The following SPIDR variants were observed in gnomAD, a reference collection of about 807,000 sequenced individuals.
SPIDR encodes DNA repair-scaffolding protein.
Under a neutral mutation model 104.6 loss-of-function variants are expected in SPIDR, and 93 were observed. The observed-to-expected ratio is 0.89, with a 90% CI of 0.75 to 1.06. The LOEUF is 1.06. SPIDR is among the 50% of genes least tolerant of loss of function. SPIDR has a pLI of 0.00. For synonymous variants in SPIDR, 431 were observed against 416.9 expected (o/e 1.03, Z -0.41); for missense variants, 1,154 against 1,111.2 (o/e 1.04, Z -0.55).
At chr8:47,380,261 C>A (rs1309562108) in intron 5 of SPIDR, among the ~76,000 whole-genome samples, 2 of 152,226 alleles carry the variant, frequency 1.3e-5, no homozygotes, top group East Asian at 3.9e-4. Flanking sequence ...TCAGGACTCA[C>A]ACTCACTGAG....
intron 8 of SPIDR, among the ~76,000 whole-genome samples, chr8:47,595,345 A>T (rs2061524931): frequency 6.6e-6 from 1 of 152,238 alleles, no homozygotes; most frequent in Admixed American, 6.5e-5. Context: ...ATTAATACTT[A>T]AATGTGAGGT....
chr8:47,414,461 A>G lies in SPIDR; in HGVS notation c.877+6500A>G, dbSNP rs1450939222. ...TCTAGATATTAAGTGTAGCATGTCA[A>G]ACTAAGATTCTCCTTATTTATCTGC... On this transcript the variant is annotated intron_variant, in intron 7 of 19. Coordinates refer to ENST00000297423, the MANE Select transcript of SPIDR (RefSeq NM_001080394.4). Among the ~76,000 whole-genome samples, 3 of 152,336 alleles carry G rather than the reference A, an allele frequency of 2.0e-5. 1 individual carries two copies. The South Asian group carries it at 6.2e-4, about 32-fold the overall frequency.
At chr8:47,447,871 A>AT (rs1554703111) in intron 8 of SPIDR, among the ~76,000 whole-genome samples, 2 of 152,270 alleles carry the variant, frequency 1.3e-5, no homozygotes, top group South Asian at 2.1e-4. Context: ...TGAAGGCTGC[A>AT]TTTTTTACCA....
chr8:47,279,320 T>G (rs1446381636), intron 1 of SPIDR: 2 of 153,152 alleles, frequency 1.3e-5, no homozygotes, highest in African/African-American at 4.8e-5. Context: ...CTGCCACCCC[T>G]GTGCTGCTGA....
chr8:47,507,570 G>T lies in SPIDR; in HGVS notation c.1097+67028G>T, dbSNP rs189033078. Among the ~76,000 whole-genome samples, 163 of 152,378 alleles carry T rather than the reference G, an allele frequency of 1.1e-3. 1 individual carries two copies. In the Middle Eastern group the frequency reaches 0.017, roughly 16 times the overall value. On this transcript the variant is annotated intron_variant, in intron 8 of 19. Transcript: ENST00000297423. ...CTGAGGGAAGGATGGCAGGATGCAA[G>T]AGTAGGCACATCAGTAATATAAGCT...
chr8:47,488,322 T>C (rs1249380363), intron 8 of SPIDR, among the ~76,000 whole-genome samples: 3 of 152,168 alleles, frequency 2.0e-5, no homozygotes, highest in Admixed American at 6.5e-5. Flanking sequence ...AATGCCTGAA[T>C]AGACCAATAA....
intron 8 of SPIDR, among the ~76,000 whole-genome samples, chr8:47,585,572 A>G (rs1350035880): frequency 1.3e-5 from 2 of 152,148 alleles, no homozygotes; most frequent in East Asian, 3.9e-4. Flanking sequence ...TCTGTTGCTT[A>G]TAACAGAATA....
intron 8 of SPIDR, among the ~76,000 whole-genome samples, chr8:47,554,598 G>C (rs2091069565): frequency 6.6e-6 from 1 of 152,214 alleles, no homozygotes; most frequent in Non-Finnish European, 1.5e-5. Flanking sequence ...AGACCATTTG[G>C]AAAAGTGCAG....
intron 5 of SPIDR, among the ~76,000 whole-genome samples, chr8:47,370,131 T>G (rs2057793595): frequency 6.6e-6 from 1 of 152,184 alleles, no homozygotes; most frequent in East Asian, 1.9e-4. Flanking sequence ...CAGCAGTAAT[T>G]AACCTATGAA....
At chr8:47,658,213 G>A (rs1284641752) in intron 10 of SPIDR, among the ~76,000 whole-genome samples, 1 of 151,978 alleles carries the variant, frequency 6.6e-6, no homozygotes, top group Non-Finnish European at 1.5e-5. Context: ...GAGGTCGGAA[G>A]TTTGAGACCA....
At chr8:47,281,725 G>A (rs1309706330) in intron 2 of SPIDR, among the ~76,000 whole-genome samples, 2 of 152,214 alleles carry the variant, frequency 1.3e-5, no homozygotes, top group East Asian at 3.9e-4. Context: ...CATGCACAAG[G>A]GTTGGAATCA....
intron 8 of SPIDR, among the ~76,000 whole-genome samples, chr8:47,466,275 A>AAAC (rs2074763442): frequency 6.6e-6 from 1 of 152,230 alleles, no homozygotes; most frequent in South Asian, 2.1e-4. Context: ...ATTGGACATA[A>AAAC]AACACTCTTC....
At chr8:47,538,334 A>C (rs1047679294) in intron 8 of SPIDR, among the ~76,000 whole-genome samples, 2 of 152,196 alleles carry the variant, frequency 1.3e-5, no homozygotes, top group African/African-American at 2.4e-5. Context: ...ACCTGAGGTC[A>C]GGAGTTCGAG....
intron 16 of SPIDR, among the ~76,000 whole-genome samples, chr8:47,715,129 G>A (rs1353596170): frequency 6.9e-6 from 1 of 144,842 alleles, no homozygotes; most frequent in Non-Finnish European, 1.5e-5. Context: ...TCTACTGTTT[G>A]CTTCTATGAA....
intron 8 of SPIDR, among the ~76,000 whole-genome samples, chr8:47,529,004 CAAAG>C (rs1283400785): frequency 2.0e-5 from 3 of 152,056 alleles, no homozygotes; most frequent in African/African-American, 4.8e-5. Flanking sequence ...AAATTACAGA[CAAAG>C]AAAAAACACC....
chr8:47,662,941 G>T (rs2074350878), intron 10 of SPIDR, among the ~76,000 whole-genome samples: 1 of 152,166 alleles, frequency 6.6e-6, no homozygotes, highest in South Asian at 2.1e-4. Context: ...CCTTGATCTG[G>T]GACTTCCCAG....
At chr8:47,519,508 G>A (rs140390091) in intron 8 of SPIDR, among the ~76,000 whole-genome samples, 3 of 152,318 alleles carry the variant, frequency 2.0e-5, no homozygotes, top group Non-Finnish European at 2.9e-5. Flanking sequence ...CAAGCGCAGT[G>A]GCTCACGCCT....
At chr8:47,324,188 T>TTA (rs1482031370) in intron 5 of SPIDR, among the ~76,000 whole-genome samples, 11 of 152,170 alleles carry the variant, frequency 7.2e-5, no homozygotes, top group African/African-American at 2.7e-4. Flanking sequence ...TTTATATTAC[T>TTA]TATATGTATT....
chr8:47,438,873 G>GAA (rs1362287096), intron 7 of SPIDR, among the ~76,000 whole-genome samples: 1 of 151,182 alleles, frequency 6.6e-6, no homozygotes, highest in Non-Finnish European at 1.5e-5. Context: ...GGAAATGAAT[G>GAA]AAAAAAAAGT....
Sources: allele counts gnomAD v4.1 joint callset (sites outside exome capture counted in the v4.1 genomes callset), GRCh38; gene constraint gnomAD v4.1.1; transcripts MANE v1.5; gene names NCBI Gene and HGNC (gene_info 2026-07-23, HGNC 2026-07-21).